CACNA1D: variants seen among roughly 807,000 people sequenced by gnomAD.
The protein encoded by CACNA1D is voltage-dependent L-type calcium channel subunit alpha-1D.
CACNA1D carries 55 observed loss-of-function variants against 257.1 expected under a neutral mutation model. The ratio of observed to expected loss-of-function variants is 0.21; its 90% CI spans 0.17 to 0.27. CACNA1D has a LOEUF of 0.27. Ranked by LOEUF, CACNA1D falls within the 10% of genes least tolerant of loss-of-function variation. The pLI, the probability that CACNA1D is intolerant of heterozygous loss-of-function variation, is 1.00. For missense variants in CACNA1D, 1,876 were observed against 2,784.0 expected (o/e 0.67, Z 7.34); for synonymous variants, 980 against 1,014.9 (o/e 0.97, Z 0.65).
At chr3:53,625,782 A>T (rs569727132) in intron 3 of CACNA1D, among the ~76,000 whole-genome samples, 2 of 152,290 alleles carry the variant, frequency 1.3e-5, no homozygotes, top group South Asian at 4.1e-4. Flanking sequence ...TAATTTTCTT[A>T]ATCAGTTACC....
chr3:53,590,807 G>A (rs981663069), intron 3 of CACNA1D, among the ~76,000 whole-genome samples: 5 of 152,306 alleles, frequency 3.3e-5, no homozygotes, highest in Admixed American at 3.3e-4. Flanking sequence ...GAGTGAGCGG[G>A]CATAGGTACT....
At chr3:53,779,866 C>T (rs1184727839) in intron 37 of CACNA1D, among the ~76,000 whole-genome samples, 160 bp from the exon 38 acceptor site, 1 of 152,084 alleles carries the variant, frequency 6.6e-6, no homozygotes, top group Admixed American at 6.5e-5. Context: ...AACTTGACAC[C>T]TAAATTAACC....
At chr3:53,618,926 G>A (rs986669775) in intron 3 of CACNA1D, among the ~76,000 whole-genome samples, 7 of 152,220 alleles carry the variant, frequency 4.6e-5, no homozygotes, top group Non-Finnish European at 8.8e-5. Flanking sequence ...TGGTGAAATG[G>A]GGTTAATAAC....
Position 53,726,943 on chromosome 3 carries a change from C to T in CACNA1D, c.2165C>T (p.Ser722Phe), listed in dbSNP as rs1203607570. 1.9e-6 allele frequency: 3 copies of T among 1,613,988 alleles called. No homozygotes were observed. The highest frequency in any genetic ancestry group is 2.7e-5 in the African/African-American group (2 of 74,922). ...YDGIMAYGGP[S>F]SSGMIVCIYF... ...GGCATCATGGCTTACGGGGGCCCAT[C>T]CTCTTCAGGAATGATCGTCTGCATC... The change falls in exon 15 of 48, where the codon TCC (serine) becomes TTC (phenylalanine). Residue 722 changes from serine (S) to phenylalanine (F), a missense_variant. Ser to Phe is a radical substitution (Grantham distance 155). Transcript: ENST00000350061.
intron 3 of CACNA1D, among the ~76,000 whole-genome samples, chr3:53,513,804 T>C (rs1021931610): frequency 1.3e-5 from 2 of 152,234 alleles, no homozygotes; most frequent in African/African-American, 4.8e-5. Context: ...TTTTGGCTTT[T>C]ATACAGTATT....
At chr3:53,599,245 A>G (rs1576031703) in intron 3 of CACNA1D, among the ~76,000 whole-genome samples, 4 of 152,316 alleles carry the variant, frequency 2.6e-5, no homozygotes, top group Non-Finnish European at 5.9e-5. Flanking sequence ...TGTTTTTTAT[A>G]AAATGGAATC....
chr3:53,530,970 C>G (rs1169950744), intron 3 of CACNA1D, among the ~76,000 whole-genome samples: 1 of 151,886 alleles, frequency 6.6e-6, no homozygotes, highest in East Asian at 1.9e-4. Context: ...ACCTCAGCCT[C>G]CCGAGTAGCT....
At position 53,803,847 on chromosome 3, in the gene CACNA1D, C is replaced by T. The variant is rs189557335; in HGVS notation, c.5585+275C>T. 7.8e-3 allele frequency among the ~76,000 whole-genome samples: 1,195 copies of T among 152,266 alleles called. 13 individuals are homozygous for T. The highest frequency in any genetic ancestry group is 0.012 in the Non-Finnish European group (819 of 68,028). Reference sequence around the variant, plus strand: ...TGGGAAATGGGAGATGGGCCTGCTTCGTGGCTGGGTTAATGCCTTTCCACC... The same window carrying T: ...TGGGAAATGGGAGATGGGCCTGCTTTGTGGCTGGGTTAATGCCTTTCCACC... On this transcript the variant is annotated intron_variant, in intron 44 of 47. Transcript: ENST00000350061.
intron 29 of CACNA1D, among the ~76,000 whole-genome samples, chr3:53,756,921 C>G (rs2077460): frequency 6.6e-5 from 10 of 152,036 alleles, no homozygotes; most frequent in African/African-American, 2.4e-4. Flanking sequence ...AGCCATACTT[C>G]GTTCCCATCT....
At chr3:53,602,803 T>C (rs926385965) in intron 3 of CACNA1D, among the ~76,000 whole-genome samples, 8 of 152,226 alleles carry the variant, frequency 5.3e-5, no homozygotes, top group Non-Finnish European at 1.2e-4. Flanking sequence ...GGGCTTTTTT[T>C]TCCCCCTATT....
chr3:53,628,071 T>A (rs923144882), intron 3 of CACNA1D, among the ~76,000 whole-genome samples: 1 of 152,118 alleles, frequency 6.6e-6, no homozygotes, highest in African/African-American at 2.4e-5. Context: ...AGTTCTTGTT[T>A]TCAGCAGGGA....
intron 8 of CACNA1D, among the ~76,000 whole-genome samples, chr3:53,687,802 T>C (rs2094486146): frequency 6.6e-6 from 1 of 152,160 alleles, no homozygotes; most frequent in Admixed American, 6.5e-5. Flanking sequence ...AAACATACTT[T>C]ACACAAGAAT....
chr3:53,770,029 G>GACT lies in CACNA1D; in HGVS notation c.3915+14_3915+16dup. 6.2e-7 allele frequency: 1 copy of GACT among 1,608,264 alleles called. No homozygotes were observed. The highest frequency in any genetic ancestry group is 8.5e-7 in the Non-Finnish European group (1 of 1,174,610). ...CTGCTACACCTGGGGTAAGATCAGT[G>GACT]ACTAGTCCCCAGGGGCTGGGCCTTT... On this transcript the variant is annotated intron_variant, in intron 31 of 47. Coordinates refer to ENST00000350061, the MANE Select transcript of CACNA1D (RefSeq NM_001128840.3).
chr3:53,799,911 C>T, intron 40 of CACNA1D: 1 of 377,554 alleles, frequency 2.6e-6, no homozygotes, highest in Non-Finnish European at 5.1e-6. Context: ...GTAGGCGAGC[C>T]TACTGAAGAC....
chr3:53,570,759 T>C (rs1378786392), intron 3 of CACNA1D, among the ~76,000 whole-genome samples: 1 of 152,254 alleles, frequency 6.6e-6, no homozygotes, highest in African/African-American at 2.4e-5. Context: ...CATATCACTC[T>C]GCAGTATGTG....
In CACNA1D at chr3:53,805,102, C is replaced by T. The variant is rs1475854163; in HGVS notation, c.5705C>T (p.Ser1902Leu). ...EDDDSPVCYD[S>L]RRSPRRRLLP... ...GATGACTCGCCCGTTTGCTATGATT[C>T]ACGGAGATCTCCAAGGAGACGCCTA... is the stretch of plus-strand genomic sequence containing the variant. The change falls in exon 45 of 48, where the codon TCA becomes TTA. Residue 1902 changes from serine to leucine, a missense_variant. Around this residue, in one of 10 missense-constraint regions of CACNA1D, gnomAD observed 491 missense variants for 554.3 expected, o/e 0.89. Coordinates refer to ENST00000350061, the MANE Select transcript of CACNA1D (RefSeq NM_001128840.3). The T allele has an allele frequency of 1.2e-6, 2 of 1,614,132 alleles. No individual in the cohort carries two copies. The highest frequency in any genetic ancestry group is 1.7e-6 in the Non-Finnish European group (2 of 1,180,034).
intron 3 of CACNA1D, among the ~76,000 whole-genome samples, chr3:53,617,162 C>T (rs1030721655): frequency 6.6e-6 from 1 of 152,088 alleles, no homozygotes; most frequent in Non-Finnish European, 1.5e-5. Context: ...TGTTGTCTCA[C>T]GATACTCACT....
chr3:53,670,790 T>C (rs1000840875), intron 7 of CACNA1D, among the ~76,000 whole-genome samples: 3 of 152,244 alleles, frequency 2.0e-5, no homozygotes, highest in African/African-American at 7.2e-5. Context: ...AGTTTCTTCA[T>C]TGTTGATAAA....
rs1178293361 is a variant in CACNA1D at position 53,673,097 on chromosome 3, A to T, written c.1191A>T (p.Val397=). 6.4e-7 allele frequency: 1 copy of T among 1,551,720 alleles called. No homozygotes were observed. Among genetic ancestry groups the T allele is most frequent in the Non-Finnish European group, 8.7e-7 (1 of 1,146,884 alleles). ...VSLVIFGSFF[V]LNLVLGVLSG... is the part of the protein sequence containing the mutation. ...TCGTCATCTTTGGGTCATTTTTCGT[A>T]CTAAATCTTGTACTTGGTGTATTGA... The change falls in exon 8 of 48, where the codon GTA becomes GTT. Residue 397 remains valine, a synonymous_variant. Coordinates refer to ENST00000350061, the MANE Select transcript of CACNA1D (RefSeq NM_001128840.3). This position sits in a 1 kb window ranked among gnomAD's most constrained non-coding sequence, Gnocchi z 4.1.
Sources: gnomAD v4.1 joint callset for allele counts (sites outside exome capture counted in the v4.1 genomes callset) on GRCh38, gnomAD v4.1.1 for gene constraint, gnomAD v4.1.1 regional missense constraint, Gnocchi (gnomAD v3.1) non-coding constraint, MANE v1.5 for transcripts, NCBI Gene and HGNC (gene_info 2026-07-23, HGNC 2026-07-21) for gene names.